CEP85L: variants seen among roughly 807,000 people sequenced by gnomAD.
CEP85L encodes the protein centrosomal protein 85L, also known as centrosomal protein of 85 kDa-like.
Under a neutral mutation model 100.3 loss-of-function variants are expected in CEP85L, and 60 were observed. The ratio of observed to expected loss-of-function variants is 0.60; its 90% CI spans 0.49 to 0.74. CEP85L has a LOEUF of 0.74. Among genes scored for constraint, CEP85L ranks in the 30% least tolerant of loss-of-function variants. The pLI is 0.00. For synonymous variants in CEP85L, 319 were observed against 322.7 expected, an observed-to-expected ratio of 0.99 and a Z score of 0.12; for missense variants, 973 against 936.2, an observed-to-expected ratio of 1.04 and a Z score of -0.51.
At chr6:118,682,448 C>T (rs750461369) in intron 1 of CEP85L, among the ~76,000 whole-genome samples, 46 of 151,564 alleles carry the variant, frequency 3.0e-4, no homozygotes, top group Middle Eastern at 3.4e-3. Flanking sequence ...ATTTAAGTAC[C>T]CGAGTGGATT....
At chr6:118,662,346 A>G (rs910406244) in intron 1 of CEP85L, among the ~76,000 whole-genome samples, 2 of 152,054 alleles carry the variant, frequency 1.3e-5, no homozygotes, top group Non-Finnish European at 2.9e-5. Context: ...CCTGGCCAAC[A>G]TGGTGAAACT....
chr6:118,567,437 A>C (rs1779619783), intron 2 of CEP85L, among the ~76,000 whole-genome samples: 1 of 151,996 alleles, frequency 6.6e-6, no homozygotes, highest in South Asian at 2.1e-4. Flanking sequence ...TCTTCTATAC[A>C]AATGAATAGT....
Position 118,632,436 on chromosome 6 carries a change from TA to T in CEP85L, c.232+16del, listed in dbSNP as rs765854259. ...TCTTCAAAGATTCATATATAAACAA[TA>T]AGAATTTTAGCTCACCTTCCACGCT... On this transcript the variant is annotated intron_variant, in intron 2 of 12. Coordinates refer to ENST00000368491, the MANE Select transcript of CEP85L (RefSeq NM_001042475.3). 2.4e-5 allele frequency: 37 copies of T among 1,574,426 alleles called. No homozygotes were observed. The highest frequency in any genetic ancestry group is 3.2e-5 in the Non-Finnish European group (37 of 1,161,322).
intron 1 of CEP85L, among the ~76,000 whole-genome samples, chr6:118,695,071 T>C (rs1389026819): frequency 2.0e-5 from 3 of 152,314 alleles, no homozygotes; most frequent in Non-Finnish European, 1.5e-5. Context: ...TTCTAATCAT[T>C]AGAAGCAACA....
rs372531007 is a variant in CEP85L, at chr6:118,664,110, G to A, written c.-27-11302C>T. On this transcript the variant is annotated intron_variant, in intron 1 of 13. Coordinates refer to the CEP85L transcript ENST00000368488. ...TAGGTCTTGCCATGTTGCCCAGGCT[G>A]GTCTCAAACGCCTGAGCTCAAGCAG... Among the ~76,000 whole-genome samples, 31 of 151,888 alleles carry A rather than the reference G, an allele frequency of 2.0e-4. 1 individual carries two copies. The South Asian group carries it at 6.5e-3, about 32-fold the overall frequency.
At chr6:118,679,832 C>A (rs1776594358) in intron 1 of CEP85L, among the ~76,000 whole-genome samples, 2 of 151,974 alleles carry the variant, frequency 1.3e-5, no homozygotes, top group Admixed American at 1.3e-4. Context: ...TTTTTAACTA[C>A]AATGGAACTG....
At chr6:118,629,745 C>T (rs1415638450) in intron 2 of CEP85L, among the ~76,000 whole-genome samples, 1 of 152,156 alleles carries the variant, frequency 6.6e-6, no homozygotes, top group Admixed American at 6.5e-5. Flanking sequence ...AAGTCCTAAC[C>T]CTTCCAACAG....
intron 5 of CEP85L, among the ~76,000 whole-genome samples, chr6:118,508,352 G>A (rs182705157): frequency 6.6e-6 from 1 of 152,110 alleles, no homozygotes; most frequent in African/African-American, 2.4e-5. Flanking sequence ...TCTTTCCAAG[G>A]TACACATATA....
At position 118,692,053 on chromosome 6, in the gene CEP85L, A is replaced by G. The variant is rs576466539; in HGVS notation, c.-28+17983T>C. 9.8e-4 allele frequency among the ~76,000 whole-genome samples: 149 copies of G among 152,174 alleles called. 3 individuals carry two copies. Among genetic ancestry groups the G allele is most frequent in the African/African-American group, 3.5e-3 (145 of 41,498 alleles). On this transcript the variant is annotated intron_variant, in intron 1 of 13. Transcript: ENST00000368488. ...TTATCTGGAGAGGAGGGAGGCCCTC[A>G]GGTAGCAACTCAGGGCGAGGGGACA...
At position 118,465,250 on chromosome 6, in the gene CEP85L, A is replaced by G. The variant is rs914200732; in HGVS notation, c.*155T>C. 2 of 590,476 alleles carry G rather than the reference A, an allele frequency of 3.4e-6. No individual in the cohort carries two copies. Among genetic ancestry groups the G allele is most frequent in the African/African-American group, 1.9e-5 (1 of 52,326 alleles). The allele number at this position is 590,476 out of a possible 1,614,324, so 36.6% of individuals were successfully genotyped here. A position where few individuals can be genotyped will look rare whatever the true frequency, so the allele number is the denominator to read the frequency against. Reference sequence around the variant, plus strand: ...TTGCCTGATTAGATAAGCCCCTTCAAAATCTCTTCACTTCCCTTCTCCCCT... The same window carrying G: ...TTGCCTGATTAGATAAGCCCCTTCAGAATCTCTTCACTTCCCTTCTCCCCT... On this transcript the variant is annotated 3_prime_UTR_variant, in exon 13 of 13. Coordinates refer to ENST00000368491, the MANE Select transcript of CEP85L (RefSeq NM_001042475.3).
intron 1 of CEP85L, among the ~76,000 whole-genome samples, chr6:118,693,586 A>G (rs1424307607): frequency 6.6e-6 from 1 of 152,228 alleles, no homozygotes; most frequent in Non-Finnish European, 1.5e-5. Context: ...ATATGGGCAG[A>G]AAAAGGATTT....
chr6:118,575,129 C>A (rs1037881894), intron 2 of CEP85L, among the ~76,000 whole-genome samples: 1 of 152,058 alleles, frequency 6.6e-6, no homozygotes, highest in Non-Finnish European at 1.5e-5. Flanking sequence ...TCCACTGACT[C>A]AGGAAAACTC....
chr6:118,581,512 T>C (rs1279448211), intron 2 of CEP85L, among the ~76,000 whole-genome samples: 1 of 151,726 alleles, frequency 6.6e-6, no homozygotes, highest in African/African-American at 2.4e-5. Context: ...CTTGGGTAAG[T>C]GTGACTAGGC....
At chr6:118,514,246 C>G (rs943216709) in intron 4 of CEP85L, among the ~76,000 whole-genome samples, 5 of 152,070 alleles carry the variant, frequency 3.3e-5, no homozygotes, top group African/African-American at 1.2e-4. Context: ...ATAGCAATGC[C>G]AGGCACAGTG....
chr6:118,651,810 C>A, upstream of CEP85L: 1 of 985,802 alleles, frequency 1.0e-6, no homozygotes, highest in Non-Finnish European at 1.2e-6. Flanking sequence ...CATCCTCCCG[C>A]CCTGCGAGTT....
intron 4 of CEP85L, among the ~76,000 whole-genome samples, chr6:118,516,695 T>C (rs980351932): frequency 2.0e-5 from 3 of 152,196 alleles, no homozygotes; most frequent in Admixed American, 1.3e-4. Context: ...ATTCTGTAGG[T>C]TGCCTGTTCA....
chr6:118,527,686 A>G (rs1001450434), intron 3 of CEP85L, among the ~76,000 whole-genome samples: 14 of 152,214 alleles, frequency 9.2e-5, no homozygotes, highest in African/African-American at 3.4e-4. Flanking sequence ...GAGCATTATC[A>G]CTAATTCCAA....
chr6:118,674,022 C>G (rs1420073998), intron 1 of CEP85L, among the ~76,000 whole-genome samples: 1 of 152,188 alleles, frequency 6.6e-6, no homozygotes, highest in Admixed American at 6.5e-5. Context: ...CTAAATTGAT[C>G]ATAGGCCTAA....
At chr6:118,651,774 GCCCTCCCGCCGCAT>G, upstream of CEP85L, 1 of 852,366 alleles carries the variant, frequency 1.2e-6, no homozygotes, top group Non-Finnish European at 1.4e-6. Flanking sequence ...GGGCTGTCCC[GCCCTCCCGCCGCAT>G]CCCTCTGTCT....
Sources: allele counts gnomAD v4.1 joint callset (sites outside exome capture counted in the v4.1 genomes callset), GRCh38; gene constraint gnomAD v4.1.1; transcripts MANE v1.5; gene names NCBI Gene and HGNC (gene_info 2026-07-23, HGNC 2026-07-21).